The following LGSN variants were observed in gnomAD, a reference collection of about 807,000 sequenced individuals.
The protein encoded by LGSN is lengsin.
A neutral mutation model predicts 19.5 loss-of-function variants in LGSN; 21 were observed. That is an observed-to-expected ratio of 1.07 (90% CI 0.76 to 1.55). The LOEUF (loss-of-function observed/expected upper bound fraction) is 1.55, where lower values mean the gene tolerates loss of function less well. Ranked by LOEUF, LGSN falls within the 40% of genes most tolerant of loss-of-function variation. LGSN has a pLI of 0.00. For missense variants in LGSN, 673 were observed against 608.5 expected, an observed-to-expected ratio of 1.11 and a Z score of -1.12; for synonymous variants, 257 against 215.6, an observed-to-expected ratio of 1.19 and a Z score of -1.68.
the LGSN span, chr6:63,549,154 T>C: frequency 2.9e-6 from 2 of 685,202 alleles, no homozygotes; most frequent in South Asian, 1.6e-5. Flanking sequence ...GCTTTCTTTT[T>C]GGCCAGGGCC....
the LGSN span, among the ~76,000 whole-genome samples, chr6:63,548,464 T>C: frequency 6.6e-6 from 1 of 152,194 alleles, no homozygotes; most frequent in African/African-American, 2.4e-5. Context: ...CATTCCTACA[T>C]AGGTGCTCTC....
chr6:63,341,869 A>T, the LGSN span, among the ~76,000 whole-genome samples: 67 of 152,304 alleles, frequency 4.4e-4, 1 homozygote, highest in African/African-American at 1.5e-3. Flanking sequence ...CAAATGTCTA[A>T]CAATGCAGCC....
the LGSN span, among the ~76,000 whole-genome samples, chr6:63,358,109 T>C: frequency 2.2e-4 from 33 of 152,362 alleles, no homozygotes; most frequent in African/African-American, 7.5e-4. Flanking sequence ...CCATTGCTTG[T>C]TTTTGTCAGG....
At chr6:63,404,885 A>G in the LGSN span, among the ~76,000 whole-genome samples, 1 of 151,960 alleles carries the variant, frequency 6.6e-6, no homozygotes, top group Non-Finnish European at 1.5e-5. Context: ...TACATGTGCC[A>G]TGCTGGTGCA....
At chr6:63,431,518 A>C in the LGSN span, among the ~76,000 whole-genome samples, 1 of 152,362 alleles carries the variant, frequency 6.6e-6, no homozygotes, top group East Asian at 1.9e-4. Flanking sequence ...ATAAATATGA[A>C]GTGGAATTCT....
At chr6:63,431,411 A>G in the LGSN span, among the ~76,000 whole-genome samples, 1 of 152,322 alleles carries the variant, frequency 6.6e-6, no homozygotes, top group East Asian at 1.9e-4. Flanking sequence ...GTTGACATCT[A>G]TCAGCAGAGA....
the LGSN span, among the ~76,000 whole-genome samples, chr6:63,412,772 G>A: frequency 0.17 from 7,119 of 40,694 alleles, 724 homozygotes; most frequent in African/African-American, 0.29. Flanking sequence ...AGAAAGAAAG[G>A]AAGGAAGGGA....
chr6:63,303,376 TC>T, intron 1 of LGSN, among the ~76,000 whole-genome samples: 1 of 152,184 alleles, frequency 6.6e-6, no homozygotes. Flanking sequence ...CATGGAACAT[TC>T]CTAGAGAAAT....
the LGSN span, among the ~76,000 whole-genome samples, chr6:63,331,002 G>A: frequency 1.3e-5 from 2 of 152,158 alleles, no homozygotes; most frequent in Non-Finnish European, 2.9e-5. Flanking sequence ...ATCAGAGAGG[G>A]AGAAGGGGAC....
chr6:63,493,274 AG>A, the LGSN span, among the ~76,000 whole-genome samples: 1 of 152,226 alleles, frequency 6.6e-6, no homozygotes, highest in African/African-American at 2.4e-5. Flanking sequence ...AAGGAAGTAA[AG>A]GAAATGCAAA....
chr6:63,423,075 AG>A, the LGSN span, among the ~76,000 whole-genome samples: 1 of 152,228 alleles, frequency 6.6e-6, no homozygotes, highest in East Asian at 1.9e-4. Flanking sequence ...AATCAGGTAC[AG>A]TGGCTCACTT....
At chr6:63,350,843 TAAA>T in the LGSN span, among the ~76,000 whole-genome samples, 1 of 138,224 alleles carries the variant, frequency 7.2e-6, no homozygotes, top group Non-Finnish European at 1.6e-5. Flanking sequence ...CAGAGCCATC[TAAA>T]AAAAAAAAAA....
At chr6:63,467,653 A>G in the LGSN span, among the ~76,000 whole-genome samples, 1 of 152,018 alleles carries the variant, frequency 6.6e-6, no homozygotes, top group Admixed American at 6.6e-5. Context: ...TACCAGTCCT[A>G]TTGGATTAGG....
the LGSN span, among the ~76,000 whole-genome samples, chr6:63,412,555 A>AAAGG: frequency 4.0e-3 from 558 of 138,870 alleles, no homozygotes; most frequent in Middle Eastern, 7.5e-3. Flanking sequence ...AGAAAGAAAG[A>AAAGG]AAGAAAGAAA....
the LGSN span, among the ~76,000 whole-genome samples, chr6:63,456,377 A>ACT: frequency 5.3e-5 from 2 of 37,922 alleles, no homozygotes; most frequent in South Asian, 1.1e-3. Context: ...ATATATATAT[A>ACT]TATATATATA....
At chr6:63,303,114 G>T (rs1443351149) in intron 1 of LGSN, among the ~76,000 whole-genome samples, 1 of 152,074 alleles carries the variant, frequency 6.6e-6, no homozygotes, top group East Asian at 1.9e-4. Context: ...AAATATACTG[G>T]TGTCATGACT....
the LGSN span, among the ~76,000 whole-genome samples, chr6:63,454,239 A>T: frequency 6.6e-6 from 1 of 152,296 alleles, no homozygotes; most frequent in Admixed American, 6.5e-5. Flanking sequence ...CAGTAAGGCT[A>T]TTAGCATTTT....
At chr6:63,558,956 G>A in the LGSN span, among the ~76,000 whole-genome samples, 15 of 152,302 alleles carry the variant, frequency 9.8e-5, no homozygotes, top group Middle Eastern at 3.4e-3. Context: ...CACATAGTAA[G>A]CACTGAATAA....
intron 1 of LGSN, among the ~76,000 whole-genome samples, chr6:63,302,334 G>A (rs1257117147): frequency 6.6e-6 from 1 of 152,140 alleles, no homozygotes; most frequent in African/African-American, 2.4e-5. Flanking sequence ...CTTATTCACA[G>A]TTTATTAATT....
Sources: allele counts gnomAD v4.1 joint callset (sites outside exome capture counted in the v4.1 genomes callset), GRCh38; gene constraint gnomAD v4.1.1; transcripts MANE v1.5; gene names NCBI Gene and HGNC (gene_info 2026-07-23, HGNC 2026-07-21).